The following NDUFC1 variants were observed in gnomAD, a reference collection of about 807,000 sequenced individuals.
NDUFC1 encodes NADH:ubiquinone oxidoreductase subunit C1.
A neutral mutation model predicts 11.6 loss-of-function variants in NDUFC1; 11 were observed. The observed-to-expected ratio is 0.95, with a 90% confidence interval of 0.60 to 1.58. The LOEUF (loss-of-function observed/expected upper bound fraction) is 1.58, where lower values mean the gene tolerates loss of function less well. NDUFC1 is among the 40% of genes most tolerant of loss of function. The pLI is 0.00. For missense variants in NDUFC1, 112 were observed against 93.0 expected (o/e 1.20, Z -0.84); for synonymous variants, 52 against 42.2 (o/e 1.23, Z -0.90).
At position 139,295,834 on chromosome 4, in the gene NDUFC1, A is replaced by G; in HGVS notation, c.-36T>C. ...CCAGCTCAGTCTCTCCGAGTTGGCA[A>G]CAGAACCAGCGCCACCTGGCGGCCG... On this transcript the variant is annotated 5_prime_UTR_variant, in exon 3 of 6. Coordinates refer to ENST00000394223, the MANE Select transcript of NDUFC1 (RefSeq NM_001184989.2). The G allele has an allele frequency of 2.6e-6, 4 of 1,539,164 alleles. No individual in the cohort carries two copies. Among genetic ancestry groups the G allele is most frequent in the Non-Finnish European group, 3.5e-6 (4 of 1,142,006 alleles).
intron 1 of NDUFC1, chr4:139,301,657 G>A (rs2110799204): frequency 8.4e-7 from 1 of 1,183,490 alleles, no homozygotes; most frequent in Non-Finnish European, 1.2e-6. Flanking sequence ...CCCGAGGCCT[G>A]GTGGTGGCGG....
chr4:139,297,314 C>G (rs1378558399), intron 2 of NDUFC1, 71 bp downstream of exon 2: 1 of 152,172 alleles, frequency 6.6e-6, no homozygotes, highest in African/African-American at 2.4e-5. Context: ...TTTTTCAGAG[C>G]TTTGGCCCTT....
intron 4 of NDUFC1, among the ~76,000 whole-genome samples, chr4:139,294,046 A>T (rs1191321479): frequency 2.1e-5 from 3 of 142,034 alleles, no homozygotes; most frequent in African/African-American, 7.9e-5. Flanking sequence ...GGTTCACACC[A>T]TTCTGCTGTC....
intron 1 of NDUFC1, among the ~76,000 whole-genome samples, chr4:139,300,028 T>A (rs1339179605): frequency 6.6e-6 from 1 of 152,222 alleles, no homozygotes; most frequent in African/African-American, 2.4e-5. Context: ...TTTTTCTGTC[T>A]TTCAATAGTT....
intron 4 of NDUFC1, among the ~76,000 whole-genome samples, chr4:139,294,580 C>CA (rs1385091676): frequency 6.6e-6 from 1 of 150,690 alleles, no homozygotes; most frequent in Admixed American, 6.6e-5. Flanking sequence ...ACCAACAATA[C>CA]AAAAATTAGC....
intron 1 of NDUFC1, among the ~76,000 whole-genome samples, chr4:139,299,131 G>A (rs1486304996): frequency 6.6e-6 from 1 of 151,828 alleles, no homozygotes; most frequent in East Asian, 1.9e-4. Context: ...CACCACACCC[G>A]GCTAATTTTT....
In NDUFC1 at chr4:139,292,339, AT is replaced by A. The variant is rs374485010; in HGVS notation, c.*20+190del. On this transcript the variant is annotated intron_variant, in intron 5 of 5. Transcript: ENST00000394223. ...ACAAACAACAAACAAAAAAAACCCC[AT>A]CCCCCCCAAAACAAAACCAACTGCT... Among the ~76,000 whole-genome samples the A allele has an allele frequency of 2.7e-3, 389 of 146,050 alleles. 8 individuals carry two copies. The highest frequency in any genetic ancestry group is 8.5e-3 in the African/African-American group (324 of 38,138).
At chr4:139,294,145 G>A (rs1220266234) in intron 4 of NDUFC1, among the ~76,000 whole-genome samples, 3 of 151,642 alleles carry the variant, frequency 2.0e-5, no homozygotes, top group Non-Finnish European at 4.4e-5. Context: ...AGGTTTCACT[G>A]TGTTAGCCAG....
chr4:139,298,912 C>T (rs1182500999), intron 1 of NDUFC1, among the ~76,000 whole-genome samples: 1 of 151,864 alleles, frequency 6.6e-6, no homozygotes, highest in Non-Finnish European at 1.5e-5. Flanking sequence ...TGGGCTCAAG[C>T]GATCTTCCTG....
At chr4:139,301,716 C>T (rs1361673630) in intron 1 of NDUFC1, 1 of 1,516,146 alleles carries the variant, frequency 6.6e-7, no homozygotes. Context: ...GCAGCGGCGG[C>T]GGTCGGACAA....
chr4:139,301,647 C>A, intron 1 of NDUFC1: 1 of 1,085,756 alleles, frequency 9.2e-7, no homozygotes, highest in Non-Finnish European at 1.3e-6. Flanking sequence ...CGCGGCGACA[C>A]CCGAGGCCTG....
At chr4:139,291,104 G>A (rs1353552196) in intron 5 of NDUFC1, among the ~76,000 whole-genome samples, 1 of 150,300 alleles carries the variant, frequency 6.7e-6, no homozygotes, top group Non-Finnish European at 1.5e-5. Flanking sequence ...GAGCCACTGC[G>A]CCCAGCCAGA....
At chr4:139,292,928 C>T (rs1267844457) in intron 4 of NDUFC1, among the ~76,000 whole-genome samples, 2 of 151,952 alleles carry the variant, frequency 1.3e-5, no homozygotes, top group East Asian at 3.9e-4. Flanking sequence ...TCAAGCGATT[C>T]TCCTGCCTCA....
intron 5 of NDUFC1, 128 bp downstream of exon 5, chr4:139,292,398 CACAG>C: frequency 5.5e-6 from 2 of 363,380 alleles, no homozygotes; most frequent in Non-Finnish European, 9.9e-6. Context: ...ATAAATTTGT[CACAG>C]ACAGAAATAT....
chr4:139,301,749 TGGCGGGAGC>T (rs1745758599), intron 1 of NDUFC1: 1 of 1,554,208 alleles, frequency 6.4e-7, no homozygotes, highest in Non-Finnish European at 8.7e-7. Flanking sequence ...AGCCGGGTGG[TGGCGGGAGC>T]AGCGGGAGCA....
At chr4:139,302,024 G>A (rs1237785894) in intron 1 of NDUFC1, 1 of 513,148 alleles carries the variant, frequency 1.9e-6, no homozygotes, top group Non-Finnish European at 3.3e-6. Context: ...AGGGACCACA[G>A]GCTTCTTCAT....
rs774087020 is a variant in NDUFC1 at position 139,295,799 on chromosome 4, C to G, written c.-1G>C. 1.3e-6 allele frequency: 2 copies of G among 1,545,212 alleles called. No individual in the cohort carries two copies. Among genetic ancestry groups the G allele is most frequent in the Non-Finnish European group, 1.7e-6 (2 of 1,146,038 alleles). On this transcript the variant is annotated 5_prime_UTR_variant, in exon 3 of 6. Transcript: ENST00000394223. ...GACGCAGCAAGGCGGACGGCGCCATCTTGCGTGGCCCAGCTCAGTCTCTCC... is the reference window on the plus strand; with the variant it reads ...GACGCAGCAAGGCGGACGGCGCCATGTTGCGTGGCCCAGCTCAGTCTCTCC...
intron 1 of NDUFC1, chr4:139,301,526 C>G (rs1469862618): frequency 5.4e-6 from 3 of 551,648 alleles, no homozygotes. Context: ...TCGGTCTGTT[C>G]AGTTACCACG....
chr4:139,301,563 G>T, intron 1 of NDUFC1: 2 of 590,312 alleles, frequency 3.4e-6, no homozygotes, highest in South Asian at 4.1e-5. Context: ...ACCCGTAGTG[G>T]GGGAGGCGGC....
Sources: allele counts gnomAD v4.1 joint callset (sites outside exome capture counted in the v4.1 genomes callset), GRCh38; gene constraint gnomAD v4.1.1; transcripts MANE v1.5; gene names NCBI Gene and HGNC (gene_info 2026-07-23, HGNC 2026-07-21).